The following JAKMIP1 variants were observed in gnomAD, a reference collection of about 807,000 sequenced individuals.
JAKMIP1 encodes janus kinase and microtubule-interacting protein 1.
A neutral mutation model predicts 113.0 loss-of-function variants in JAKMIP1; 33 were observed. The observed-to-expected ratio is 0.29, with a 90% confidence interval of 0.22 to 0.39. The LOEUF (loss-of-function observed/expected upper bound fraction) is 0.39. Among genes scored for constraint, JAKMIP1 ranks in the 10% least tolerant of loss-of-function variants. The pLI is 1.00. For missense variants in JAKMIP1, 813 were observed against 1,080.5 expected, an observed-to-expected ratio of 0.75 and a Z score of 3.47; for synonymous variants, 480 against 459.9, an observed-to-expected ratio of 1.04 and a Z score of -0.56.
At chr4:6,127,525 G>C (rs936206831) in intron 1 of JAKMIP1, among the ~76,000 whole-genome samples, 3 of 152,214 alleles carry the variant, frequency 2.0e-5, no homozygotes, top group African/African-American at 7.2e-5. Context: ...CAAATGGCTT[G>C]GTGGGACCTC....
intron 1 of JAKMIP1, among the ~76,000 whole-genome samples, chr4:6,144,410 A>G (rs1720557579): frequency 6.6e-6 from 1 of 152,236 alleles, no homozygotes; most frequent in South Asian, 2.1e-4. Flanking sequence ...CTGACACTGA[A>G]ACCAGACAAA....
chr4:6,192,076 G>A lies in JAKMIP1; in HGVS notation c.-148+8177C>T, dbSNP rs1272092790. On this transcript the variant is annotated intron_variant, in intron 1 of 20. Transcript: ENST00000409021. The surrounding 1 kb of genome is among the most constrained non-coding windows in gnomAD (Gnocchi z 5.0). ...GCCTCCCGAGTAGTTGGGATTACAG[G>A]CGTGTGCCACCATGCCCAGCTAATT... is the stretch of plus-strand genomic sequence containing the variant. 6.6e-6 allele frequency among the ~76,000 whole-genome samples: 1 copy of A among 152,082 alleles called. No homozygotes were observed. Among genetic ancestry groups the A allele is most frequent in the Non-Finnish European group, 1.5e-5 (1 of 68,020 alleles).
intron 8 of JAKMIP1, among the ~76,000 whole-genome samples, chr4:6,078,218 G>A (rs1174980082): frequency 6.6e-6 from 1 of 151,928 alleles, no homozygotes; most frequent in Non-Finnish European, 1.5e-5. Context: ...GGGAGGCTGA[G>A]GCAGGAGAAT....
chr4:6,174,984 A>T (rs1725168348), intron 1 of JAKMIP1, among the ~76,000 whole-genome samples: 1 of 152,178 alleles, frequency 6.6e-6, no homozygotes, highest in Admixed American at 6.5e-5. Context: ...CTGAGAAACA[A>T]AAAACAGTAA....
At chr4:6,041,359 G>T (rs1037230833) in intron 17 of JAKMIP1, among the ~76,000 whole-genome samples, 1 of 152,182 alleles carries the variant, frequency 6.6e-6, no homozygotes, top group Non-Finnish European at 1.5e-5. Flanking sequence ...TGGCAGAGGT[G>T]GGAGTAGAAA....
At chr4:6,152,776 T>C (rs2108987151) in intron 1 of JAKMIP1, among the ~76,000 whole-genome samples, 1 of 134,240 alleles carries the variant, frequency 7.4e-6, no homozygotes, top group Middle Eastern at 3.9e-3. Context: ...ACTCTGTCTC[T>C]ACTAAAAATA....
rs893569043 is a variant in JAKMIP1 at position 6,187,885 on chromosome 4, T to G, written c.-148+12368A>C. On this transcript the variant is annotated intron_variant, in intron 1 of 20. Coordinates refer to ENST00000409021, the MANE Select transcript of JAKMIP1 (RefSeq NM_001099433.2). The surrounding 1 kb of genome is among the most constrained non-coding windows in gnomAD (Gnocchi z 4.2). ...ACTTATGTCTTCCATTTTATTTTGT[T>G]TTCAATATGCCTCACGTCATTTTTG... 2.6e-5 allele frequency among the ~76,000 whole-genome samples: 4 copies of G among 152,236 alleles called. No homozygotes were observed. Among genetic ancestry groups the G allele is most frequent in the African/African-American group, 4.8e-5 (2 of 41,456 alleles).
chr4:6,110,694 G>A (rs1714780234), intron 2 of JAKMIP1, among the ~76,000 whole-genome samples: 1 of 147,226 alleles, frequency 6.8e-6, no homozygotes, highest in Non-Finnish European at 1.5e-5. Flanking sequence ...AACAACCCAG[G>A]AGGCAGACAC....
chr4:6,096,179 C>G (rs189652280), intron 3 of JAKMIP1, among the ~76,000 whole-genome samples: 2 of 152,190 alleles, frequency 1.3e-5, no homozygotes, highest in Non-Finnish European at 2.9e-5. Flanking sequence ...TCTCTTTTGA[C>G]ACTTAAATTA....
In JAKMIP1 at chr4:6,088,122, G is replaced by A. The variant is rs1373483730; in HGVS notation, c.625-2493C>T. Among the ~76,000 whole-genome samples, 2 of 152,210 alleles carry A rather than the reference G, an allele frequency of 1.3e-5. No homozygotes were observed. Among genetic ancestry groups the A allele is most frequent in the Non-Finnish European group, 2.9e-5 (2 of 68,034 alleles). ...TAACTCAACACATGCTGAGCTGAGCGCTATCAGTGGGTGCTGAGAAACATT... is the reference window on the plus strand; with the variant it reads ...TAACTCAACACATGCTGAGCTGAGCACTATCAGTGGGTGCTGAGAAACATT... On this transcript the variant is annotated intron_variant, in intron 3 of 20. Coordinates refer to ENST00000409021, the MANE Select transcript of JAKMIP1 (RefSeq NM_001099433.2). This position sits in a 1 kb window ranked among gnomAD's most constrained non-coding sequence, Gnocchi z 5.5.
In JAKMIP1 at chr4:6,192,890, T is replaced by C. The variant is rs1727426045; in HGVS notation, c.-148+7363A>G. ...AGGAGGAGAAATTTAGGCTGAGACA[T>C]TGTGATGGTTAATATTGAGTGTCAA... is the stretch of plus-strand genomic sequence containing the variant. On this transcript the variant is annotated intron_variant, in intron 1 of 20. Transcript: ENST00000409021. This position sits in a 1 kb window ranked among gnomAD's most constrained non-coding sequence, Gnocchi z 5.0. 6.6e-6 allele frequency among the ~76,000 whole-genome samples: 1 copy of C among 152,056 alleles called. No individual in the cohort carries two copies. The highest frequency in any genetic ancestry group is 1.9e-4 in the East Asian group (1 of 5,172).
chr4:6,084,967 TAAAAAAAAA>T lies in JAKMIP1; in HGVS notation c.835-11_835-3del. ...ATCTCGCTCGTCCATATGTTGATCC[TAAAAAAAAA>T]AAAAAAAAAAAAAAAAAAGTCAAGA... On this transcript the variant is annotated splice_region_variant and splice_polypyrimidine_tract_variant and intron_variant, in intron 4 of 20. Coordinates refer to ENST00000409021, the MANE Select transcript of JAKMIP1 (RefSeq NM_001099433.2). 3.2e-5 allele frequency: 12 copies of T among 377,676 alleles called. No homozygotes were observed. Among genetic ancestry groups the T allele is most frequent in the Middle Eastern group, 1.2e-3 (1 of 808 alleles). The allele number at this position is 377,676 out of a possible 1,614,324, so 23.4% of individuals were successfully genotyped here. A position where few individuals can be genotyped will look rare whatever the true frequency, so the allele number is the denominator to read the frequency against.
intron 3 of JAKMIP1, among the ~76,000 whole-genome samples, chr4:6,102,614 T>C (rs2108868264): frequency 6.6e-6 from 1 of 150,542 alleles, no homozygotes; most frequent in South Asian, 2.1e-4. Flanking sequence ...GTCTGTGTTA[T>C]TTTGTTATAG....
chr4:6,115,967 C>G (rs1312220730), intron 1 of JAKMIP1, among the ~76,000 whole-genome samples: 2 of 152,142 alleles, frequency 1.3e-5, no homozygotes, highest in East Asian at 3.9e-4. Context: ...CTACCCCGTG[C>G]CCAGCCCAAA....
chr4:6,101,161 T>C (rs928202392), intron 3 of JAKMIP1, among the ~76,000 whole-genome samples: 2 of 152,228 alleles, frequency 1.3e-5, no homozygotes, highest in Admixed American at 1.3e-4. Flanking sequence ...TTTCTACTAG[T>C]AGCTATATTG....
chr4:6,036,187 G>A (rs1578046563), intron 18 of JAKMIP1, 80 bp from the exon 19 acceptor site: 3 of 1,151,670 alleles, frequency 2.6e-6, no homozygotes, highest in East Asian at 5.2e-5. Context: ...TGCCAGTGGA[G>A]GCAGAGCCAG....
In JAKMIP1 at chr4:6,176,650, A is replaced by C. The variant is rs1417597618; in HGVS notation, c.-148+23603T>G. On this transcript the variant is annotated intron_variant, in intron 1 of 20. Transcript: ENST00000409021. This position sits in a 1 kb window ranked among gnomAD's most constrained non-coding sequence, Gnocchi z 5.5. Reference sequence around the variant, plus strand: ...GGAAACTGAGGCTTGCAGTGGTAGAATGACTCACCCAAGGTTCCACTGAAC... The same window carrying C: ...GGAAACTGAGGCTTGCAGTGGTAGACTGACTCACCCAAGGTTCCACTGAAC... Among the ~76,000 whole-genome samples the C allele has an allele frequency of 6.6e-6, 1 of 152,144 alleles. No homozygotes were observed. The highest frequency in any genetic ancestry group is 2.4e-5 in the African/African-American group (1 of 41,432).
chr4:6,166,241 A>C (rs1723614956), intron 1 of JAKMIP1, among the ~76,000 whole-genome samples: 1 of 152,174 alleles, frequency 6.6e-6, no homozygotes, highest in Non-Finnish European at 1.5e-5. Flanking sequence ...ACCTATCTGA[A>C]CCCTGGGTTC....
At position 6,062,395 on chromosome 4, in the gene JAKMIP1, G is replaced by T; in HGVS notation, c.1477C>A (p.Arg493=). 6.2e-7 allele frequency: 1 copy of T among 1,613,820 alleles called. No homozygotes were observed. The highest frequency in any genetic ancestry group is 8.5e-7 in the Non-Finnish European group (1 of 1,179,970). ...EADLRFCQLT[R]EYQALQRAYA... ...GCGCGTTGCAGGGCCTGGTACTCCCGGGTCAGCTGGCAGAAGCGCAGGTCA... is the reference window on the plus strand; with the variant it reads ...GCGCGTTGCAGGGCCTGGTACTCCCTGGTCAGCTGGCAGAAGCGCAGGTCA... The change falls in exon 10 of 21, where the codon CGG becomes AGG. Residue 493 remains arginine (R), a synonymous_variant. Coordinates refer to ENST00000409021, the MANE Select transcript of JAKMIP1 (RefSeq NM_001099433.2).
Sources: gnomAD v4.1 joint callset for allele counts (sites outside exome capture counted in the v4.1 genomes callset) on GRCh38, gnomAD v4.1.1 for gene constraint, Gnocchi (gnomAD v3.1) non-coding constraint, MANE v1.5 for transcripts, NCBI Gene and HGNC (gene_info 2026-07-23, HGNC 2026-07-21) for gene names.